The following KIF21A variants were observed in gnomAD, a reference collection of about 807,000 sequenced individuals.
KIF21A encodes the protein kinesin family member 21A, also known as kinesin-like protein KIF21A.
KIF21A carries 114 observed loss-of-function variants against 202.9 expected under a neutral mutation model. The ratio of observed to expected loss-of-function variants is 0.56; its 90% CI spans 0.48 to 0.66. The LOEUF is 0.66. KIF21A is among the 30% of genes least tolerant of loss of function. The pLI, the probability that KIF21A is intolerant of heterozygous loss-of-function variation, is 0.00. For synonymous variants in KIF21A, 667 were observed against 670.8 expected (o/e 0.99, Z 0.09); for missense variants, 1,677 against 1,994.9 (o/e 0.84, Z 3.04).
intron 27 of KIF21A, among the ~76,000 whole-genome samples, chr12:39,320,281 G>A (rs774457071): frequency 1.3e-4 from 20 of 151,906 alleles, no homozygotes; most frequent in Non-Finnish European, 1.3e-4. Context: ...GTGATATACC[G>A]CCAAATAGCC....
chr12:39,311,601 G>A, intron 31 of KIF21A, 48 bp from the exon 32 acceptor site: 2 of 1,605,384 alleles, frequency 1.2e-6, no homozygotes, highest in South Asian at 1.1e-5. Flanking sequence ...TCAGTATCAT[G>A]AGACTATATC....
At chr12:39,385,627 G>A (rs1950893600) in intron 1 of KIF21A, among the ~76,000 whole-genome samples, 2 of 152,070 alleles carry the variant, frequency 1.3e-5, no homozygotes, top group South Asian at 4.1e-4. Context: ...TTTTAGATAA[G>A]ACTTGAAGAC....
At chr12:39,349,617 A>G (rs1948200268) in intron 11 of KIF21A, among the ~76,000 whole-genome samples, 1 of 152,096 alleles carries the variant, frequency 6.6e-6, no homozygotes, top group African/African-American at 2.4e-5. Flanking sequence ...TCCTTTGGCT[A>G]AATGAGGGCT....
intron 1 of KIF21A, among the ~76,000 whole-genome samples, chr12:39,415,230 C>G (rs1483943593): frequency 3.6e-5 from 2 of 55,434 alleles, no homozygotes; most frequent in Non-Finnish European, 3.4e-5. Flanking sequence ...GTAGAGAATG[C>G]TTTTTTTTTT....
rs1054983568 is a variant in KIF21A at position 39,295,692 on chromosome 12, GTTTTTTTTTT to G, written c.4932-1185_4932-1176del. On this transcript the variant is annotated intron_variant, in intron 37 of 37. Coordinates refer to ENST00000361418, the MANE Select transcript of KIF21A (RefSeq NM_001173464.2). ...TACATGCCAAGCATGCTTGGGATAT[GTTTTTTTTTT>G]TTTTTTTTTTTTTTTTTGACAGAAT... Among the ~76,000 whole-genome samples the G allele has an allele frequency of 1.9e-3, 148 of 78,130 alleles. 3 individuals carry two copies. The highest frequency in any genetic ancestry group is 1.0e-3 in the Non-Finnish European group (42 of 40,770). The allele number at this position is 78,130 out of a possible 152,430, so 51.3% of individuals were successfully genotyped here. A position where few individuals can be genotyped will look rare whatever the true frequency, so the allele number is the denominator to read the frequency against.
intron 1 of KIF21A, among the ~76,000 whole-genome samples, chr12:39,382,820 C>T (rs368822333): frequency 6.6e-6 from 1 of 152,206 alleles, no homozygotes; most frequent in South Asian, 2.1e-4. Context: ...GTGGAGTGAA[C>T]TTACCTGTCA....
chr12:39,311,875 T>C, intron 31 of KIF21A: 1 of 288,308 alleles, frequency 3.5e-6, no homozygotes, highest in South Asian at 4.3e-5. Flanking sequence ...TGTACTGAAT[T>C]CTGACAAATA....
chr12:39,396,365 C>T (rs1278819076), intron 1 of KIF21A, among the ~76,000 whole-genome samples: 2 of 152,114 alleles, frequency 1.3e-5, no homozygotes, highest in Admixed American at 6.6e-5. Flanking sequence ...CCATGAGATC[C>T]CTAAGGTCCC....
At chr12:39,366,172 G>GA (rs1411120681) in intron 6 of KIF21A, among the ~76,000 whole-genome samples, 178 bp downstream of exon 6, 137 of 152,062 alleles carry the variant, frequency 9.0e-4, no homozygotes, top group Admixed American at 3.6e-3. Flanking sequence ...TATAAAAACA[G>GA]AAAAAAGCCT....
intron 33 of KIF21A, among the ~76,000 whole-genome samples, 167 bp from the exon 34 acceptor site, chr12:39,307,896 T>G (rs988817612): frequency 1.3e-5 from 2 of 152,162 alleles, no homozygotes; most frequent in African/African-American, 4.8e-5. Context: ...TTGGTGCATA[T>G]AAATAATTAT....
chr12:39,413,303 G>A (rs932835502), intron 1 of KIF21A, among the ~76,000 whole-genome samples: 2 of 152,134 alleles, frequency 1.3e-5, no homozygotes, highest in African/African-American at 4.8e-5. Flanking sequence ...TATATTGCAT[G>A]CCTAGGTTCC....
At chr12:39,376,081 T>C (rs1032863793) in intron 1 of KIF21A, among the ~76,000 whole-genome samples, 1 of 152,096 alleles carries the variant, frequency 6.6e-6, no homozygotes, top group African/African-American at 2.4e-5. Context: ...CCCAGACTGT[T>C]GCTGTATTTT....
At chr12:39,354,056 CTTT>C (rs1430113043) in intron 10 of KIF21A, among the ~76,000 whole-genome samples, 1 of 152,110 alleles carries the variant, frequency 6.6e-6, no homozygotes, top group Non-Finnish European at 1.5e-5. Flanking sequence ...CCACTCTTCC[CTTT>C]GTAAAACTGA....
intron 33 of KIF21A, 72 bp from the exon 34 acceptor site, chr12:39,307,801 C>T (rs1943621217): frequency 1.5e-6 from 2 of 1,350,574 alleles, no homozygotes; most frequent in Admixed American, 3.6e-5. Flanking sequence ...CCTTGAATTC[C>T]CAGGAAACTG....
chr12:39,376,255 T>C (rs1950264822), intron 1 of KIF21A, among the ~76,000 whole-genome samples: 1 of 152,166 alleles, frequency 6.6e-6, no homozygotes, highest in South Asian at 2.1e-4. Context: ...TAAAGCTGGA[T>C]ATCTTTACAC....
At chr12:39,352,907 T>C (rs142826517) in intron 10 of KIF21A, among the ~76,000 whole-genome samples, 1 of 152,028 alleles carries the variant, frequency 6.6e-6, no homozygotes, top group East Asian at 1.9e-4. Context: ...ATTCAGAGAG[T>C]CCTCTAGGCC....
At chr12:39,324,531 T>C (rs1945652661) in intron 26 of KIF21A, among the ~76,000 whole-genome samples, 1 of 152,246 alleles carries the variant, frequency 6.6e-6, no homozygotes, top group African/African-American at 2.4e-5. Flanking sequence ...GCGAAGCCAA[T>C]AGCTCAAAGA....
chr12:39,380,821 C>T (rs1950563718), intron 1 of KIF21A, among the ~76,000 whole-genome samples: 1 of 152,092 alleles, frequency 6.6e-6, no homozygotes, highest in Admixed American at 6.6e-5. Flanking sequence ...AAAGTAATAA[C>T]TGGATGATAT....
intron 12 of KIF21A, among the ~76,000 whole-genome samples, chr12:39,344,638 A>G (rs1360020455): frequency 5.3e-5 from 8 of 152,188 alleles, no homozygotes; most frequent in African/African-American, 1.4e-4. Flanking sequence ...CTCATATATT[A>G]TAAGTCATTC....
Sources: gnomAD v4.1 joint callset for allele counts (sites outside exome capture counted in the v4.1 genomes callset) on GRCh38, gnomAD v4.1.1 for gene constraint, MANE v1.5 for transcripts, NCBI Gene and HGNC (gene_info 2026-07-23, HGNC 2026-07-21) for gene names.